The following C2CD3 variants were observed in gnomAD, a reference collection of about 807,000 sequenced individuals.
C2CD3 encodes C2 domain containing 3 centriole elongation regulator, also known as C2 domain-containing protein 3.
Under a neutral mutation model 234.0 loss-of-function variants are expected in C2CD3, and 148 were observed. The ratio of observed to expected loss-of-function variants is 0.63; its 90% CI spans 0.55 to 0.72. The LOEUF is 0.72. Among genes scored for constraint, C2CD3 ranks in the 30% least tolerant of loss-of-function variants. C2CD3 has a pLI of 0.00. For synonymous variants in C2CD3, 1,000 were observed against 1,035.4 expected (o/e 0.97, Z 0.66); for missense variants, 2,577 against 2,811.5 (o/e 0.92, Z 1.89).
At chr11:74,040,281 C>G (rs765127750) in intron 29 of C2CD3, among the ~76,000 whole-genome samples, 15 of 152,176 alleles carry the variant, frequency 9.9e-5, no homozygotes, top group South Asian at 2.1e-4. Context: ...CCACCCCCCA[C>G]CCCCAACCCC....
intron 27 of C2CD3, 52 bp from the exon 28 acceptor site, chr11:74,048,390 A>G: frequency 1.3e-6 from 2 of 1,585,760 alleles, no homozygotes; most frequent in Non-Finnish European, 1.7e-6. Flanking sequence ...ACCCATTCGT[A>G]ACAAAGCAGT....
intron 2 of C2CD3, chr11:74,164,766 A>C (rs1384073244): frequency 6.6e-6 from 1 of 152,200 alleles, no homozygotes; most frequent in African/African-American, 2.4e-5. Flanking sequence ...GTTTAGAATA[A>C]GGTAAAATAG....
At chr11:74,054,836 G>A (rs1011729617) in intron 25 of C2CD3, among the ~76,000 whole-genome samples, 165 bp from the exon 26 acceptor site, 8 of 152,152 alleles carry the variant, frequency 5.3e-5, no homozygotes, top group Non-Finnish European at 8.8e-5. Context: ...TTAAAATGAG[G>A]GGATGGAAGC....
chr11:74,104,155 G>A (rs987948692), intron 13 of C2CD3, among the ~76,000 whole-genome samples: 4 of 152,126 alleles, frequency 2.6e-5, no homozygotes, highest in African/African-American at 9.7e-5. Flanking sequence ...CCCCAGTGGA[G>A]GAACATTCTT....
intron 9 of C2CD3, among the ~76,000 whole-genome samples, chr11:74,117,292 C>A (rs1296333365): frequency 8.2e-6 from 1 of 121,708 alleles, no homozygotes; most frequent in Non-Finnish European, 1.7e-5. Flanking sequence ...ATAGTGAGAC[C>A]CCGTCTCAAA....
chr11:74,165,816 A>G (rs1020798057), intron 2 of C2CD3, among the ~76,000 whole-genome samples: 2 of 152,018 alleles, frequency 1.3e-5, no homozygotes, highest in Admixed American at 6.5e-5. Context: ...CACCATGCCC[A>G]GCTAATTAAA....
chr11:74,117,227 A>C (rs1365443552), intron 9 of C2CD3, among the ~76,000 whole-genome samples: 1 of 107,866 alleles, frequency 9.3e-6, no homozygotes, highest in Non-Finnish European at 1.9e-5. Context: ...TATATATATG[A>C]ATATATATAT....
chr11:74,074,666 C>T lies in C2CD3; in HGVS notation c.4604-66G>A, dbSNP rs987863111. The T allele has an allele frequency of 2.9e-5, 38 of 1,306,820 alleles. No homozygotes were observed. The Admixed American group carries it at 3.7e-4, about 13-fold the overall frequency. The allele number at this position is 1,306,820 out of a possible 1,614,324, so 81.0% of individuals were successfully genotyped here. On this transcript the variant is annotated intron_variant, in intron 23 of 32. Transcript: ENST00000334126. ...ACCAAGACCAAGCTTGGAGGAAATA[C>T]TCACTGAGGGTGCTGTGGTCCTTTC...
At chr11:74,034,339 C>A in intron 30 of C2CD3, 61 bp from the exon 31 acceptor site, 1 of 1,485,680 alleles carries the variant, frequency 6.7e-7, no homozygotes, top group South Asian at 1.3e-5. Flanking sequence ...TCAAATTTCC[C>A]ACACTAGCCT....
At chr11:74,067,084 G>C (rs866693972) in intron 24 of C2CD3, among the ~76,000 whole-genome samples, 6 of 152,124 alleles carry the variant, frequency 3.9e-5, no homozygotes, top group Non-Finnish European at 5.9e-5. Flanking sequence ...TTAAAAAATT[G>C]ACATGCTATT....
At chr11:74,150,520 A>AC (rs1855555689) in intron 3 of C2CD3, among the ~76,000 whole-genome samples, 1 of 75,848 alleles carries the variant, frequency 1.3e-5, no homozygotes, top group Non-Finnish European at 2.9e-5. Context: ...AAAAAACAAA[A>AC]AAAAAACAAA....
chr11:74,039,458 GC>G (rs1952911568), intron 29 of C2CD3, among the ~76,000 whole-genome samples: 1 of 152,202 alleles, frequency 6.6e-6, no homozygotes, highest in South Asian at 2.1e-4. Flanking sequence ...ACCAGCTGCA[GC>G]AGCATCACCT....
intron 3 of C2CD3, among the ~76,000 whole-genome samples, chr11:74,158,156 C>T (rs1013677874): frequency 2.0e-5 from 3 of 152,084 alleles, no homozygotes; most frequent in African/African-American, 7.2e-5. Flanking sequence ...CTCAAAAGCA[C>T]AAGCAACAAA....
In C2CD3 at chr11:74,113,457, T is replaced by C. The variant is rs552056527; in HGVS notation, c.1843+323A>G. On this transcript the variant is annotated intron_variant, in intron 11 of 32. Transcript: ENST00000334126. Reference sequence around the variant, plus strand: ...ACTTTGGGAGGCCGAGGCAGGCGGATCACTTAAGGTCAGGGGTTTGAGACC... The same window carrying C: ...ACTTTGGGAGGCCGAGGCAGGCGGACCACTTAAGGTCAGGGGTTTGAGACC... The C allele has an allele frequency of 5.2e-4, 156 of 298,990 alleles. 4 individuals carry two copies. The Middle Eastern group carries it at 7.2e-3, about 14-fold the overall frequency. The allele number at this position is 298,990 out of a possible 1,614,324, so 18.5% of individuals were successfully genotyped here.
chr11:74,076,521 C>T (rs1236636586), intron 23 of C2CD3, among the ~76,000 whole-genome samples: 1 of 152,192 alleles, frequency 6.6e-6, no homozygotes, highest in Non-Finnish European at 1.5e-5. Context: ...CTATACACTC[C>T]TCTTGTATTC....
intron 32 of C2CD3, among the ~76,000 whole-genome samples, chr11:74,025,675 G>A (rs763481877): frequency 6.6e-6 from 1 of 152,084 alleles, no homozygotes. Context: ...ATGTCACACA[G>A]GGACTTGTAT....
At chr11:74,087,254 G>A (rs906962696) in intron 20 of C2CD3, among the ~76,000 whole-genome samples, 1 of 152,074 alleles carries the variant, frequency 6.6e-6, no homozygotes, top group Non-Finnish European at 1.5e-5. Context: ...TAAATTGAAT[G>A]CTAGCAGTAG....
At chr11:74,020,538 C>A (rs188049745) in intron 32 of C2CD3, among the ~76,000 whole-genome samples, 2 of 152,304 alleles carry the variant, frequency 1.3e-5, no homozygotes, top group South Asian at 2.1e-4. Flanking sequence ...GAGTCCAGTG[C>A]GTTTCCAAGA....
At position 74,033,972 on chromosome 11, in the gene C2CD3, T is replaced by G; in HGVS notation, c.6188A>C (p.Asp2063Ala). ...TEAGPAYSDE[D>A]YEEDIIEPRT... is the part of the protein sequence containing the mutation. ...GGGCTCAATGATGTCTTCTTCATAG[T>G]CCTCATCACTGTAGGCTGGGCCTGC... The change falls in exon 31 of 33, where the codon GAC (aspartate) becomes GCC (alanine). Residue 2063 changes from aspartate (D) to alanine (A), a missense_variant. Coordinates refer to ENST00000334126, the MANE Select transcript of C2CD3 (RefSeq NM_001286577.2). 3 of 1,536,458 alleles carry G rather than the reference T, an allele frequency of 2.0e-6. No individual in the cohort carries two copies. Among genetic ancestry groups the G allele is most frequent in the Non-Finnish European group, 2.6e-6 (3 of 1,146,956 alleles).
Sources: gnomAD v4.1 joint callset for allele counts (sites outside exome capture counted in the v4.1 genomes callset) on GRCh38, gnomAD v4.1.1 for gene constraint, MANE v1.5 for transcripts, NCBI Gene and HGNC (gene_info 2026-07-23, HGNC 2026-07-21) for gene names.